AATK: variants seen among roughly 807,000 people sequenced by gnomAD.
AATK encodes the protein serine/threonine-protein kinase LMTK1.
AATK carries 91 observed loss-of-function variants against 114.3 expected under a neutral mutation model. The ratio of observed to expected loss-of-function variants is 0.80; its 90% CI spans 0.67 to 0.95. The LOEUF is 0.95. Ranked by LOEUF, AATK falls within the 40% of genes least tolerant of loss-of-function variation. The pLI is 0.00. For synonymous variants in AATK, 1,075 were observed against 916.5 expected, an observed-to-expected ratio of 1.17 and a Z score of -3.12; for missense variants, 2,176 against 1,965.2, an observed-to-expected ratio of 1.11 and a Z score of -2.03.
chr17:81,159,191 G>A (rs971464335), intron 1 of AATK, among the ~76,000 whole-genome samples: 5 of 152,302 alleles, frequency 3.3e-5, no homozygotes, highest in African/African-American at 1.2e-4. Flanking sequence ...TGACACAGGT[G>A]GGTCCTTGGT....
At chr17:81,136,524 G>A (rs1221581790) in intron 1 of AATK, among the ~76,000 whole-genome samples, 2 of 152,138 alleles carry the variant, frequency 1.3e-5, no homozygotes, top group Non-Finnish European at 2.9e-5. Flanking sequence ...CAGCTACCCT[G>A]GGCTCCCCCC....
rs763017071 is a variant in AATK, at chr17:81,165,920, G to C, written c.55+18C>G. On this transcript the variant is annotated intron_variant, in intron 1 of 13. Coordinates refer to ENST00000326724, the MANE Select transcript of AATK (RefSeq NM_001080395.3). ...GGAGGGAGGCAGCGGCGCGCAGGCC[G>C]GGCCGCCAGGGACTCACCGGGGTCG... is the stretch of plus-strand genomic sequence containing the variant. The C allele has an allele frequency of 2.5e-6, 4 of 1,571,842 alleles. No homozygotes were observed. Among genetic ancestry groups the C allele is most frequent in the African/African-American group, 2.7e-5 (2 of 73,692 alleles).
chr17:81,128,015 C>A, intron 4 of AATK, 105 bp from the exon 5 acceptor site: 2 of 1,375,614 alleles, frequency 1.5e-6, no homozygotes, highest in Non-Finnish European at 2.0e-6. Flanking sequence ...CAGGACAGGA[C>A]ACTTCTCCTC....
Position 81,122,559 on chromosome 17 carries a change from G to T in AATK, c.1377C>A (p.His459Gln). The change falls in exon 11 of 14, where the codon CAC becomes CAA. Residue 459 changes from histidine to glutamine, a missense_variant. Around this residue, in one of 4 missense-constraint regions of AATK, gnomAD observed 1,701 missense variants for 1,394.7 expected, o/e 1.22. Transcript: ENST00000326724. ...LLEQFAGDGF[H>Q]ADGDDVLTVT... ...CCGTCAGCACGTCGTCGCCGTCCGC[G>T]TGGAAGCCGTCGCCCGCGAACTGCT... is the stretch of plus-strand genomic sequence containing the variant. 6.8e-7 allele frequency: 1 copy of T among 1,472,358 alleles called. No homozygotes were observed. Among genetic ancestry groups the T allele is most frequent in the Non-Finnish European group, 9.0e-7 (1 of 1,106,586 alleles). 91.2% of individuals were successfully genotyped at this position (1,472,358 alleles called of 1,614,324 possible).
At chr17:81,128,346 C>T in intron 4 of AATK, 124 bp downstream of exon 4, 2 of 1,229,612 alleles carry the variant, frequency 1.6e-6, no homozygotes, top group Middle Eastern at 5.4e-4. Context: ...AAGGGTCCAG[C>T]AGGGCCCAGA....
At position 81,120,762 on chromosome 17, in the gene AATK, T is replaced by C; in HGVS notation, c.3174A>G (p.Pro1058=). The C allele has an allele frequency of 6.3e-7, 1 of 1,575,242 alleles. No individual in the cohort carries two copies. The highest frequency in any genetic ancestry group is 1.2e-5 in the South Asian group (1 of 86,068). Residue 1058 remains proline, a synonymous_variant, in exon 11 of 14, where the codon CCA becomes CCG. Coordinates refer to ENST00000326724, the MANE Select transcript of AATK (RefSeq NM_001080395.3). ...QGSGPGEVLP[P]LLQLEGSSPE... ...GGGAGGACCCTTCAAGCTGCAGCAG[T>C]GGGGGCAGCACCTCCCCGGGGCCAG...
chr17:81,133,283 C>T (rs373160603), intron 2 of AATK: 10 of 460,944 alleles, frequency 2.2e-5, no homozygotes, highest in Non-Finnish European at 4.4e-5. Flanking sequence ...CATCCAGCAC[C>T]GTCACCTGCC....
chr17:81,131,511 G>A (rs796446238), intron 2 of AATK, among the ~76,000 whole-genome samples: 30 of 152,316 alleles, frequency 2.0e-4, no homozygotes, highest in African/African-American at 6.7e-4. Context: ...GGCGCGATGA[G>A]CTGTAGGCAC....
chr17:81,158,791 C>T lies in AATK; in HGVS notation c.55+7147G>A, dbSNP rs150628325. 7.0e-3 allele frequency among the ~76,000 whole-genome samples: 1,066 copies of T among 152,294 alleles called. 13 individuals carry two copies. Among genetic ancestry groups the T allele is most frequent in the Non-Finnish European group, 0.012 (790 of 68,010 alleles). ...GCCCCCACATGCTCACGAGCCCGGGCGTTATAAAAACAGCAGCCAGCACTG... is the reference window on the plus strand; with the variant it reads ...GCCCCCACATGCTCACGAGCCCGGGTGTTATAAAAACAGCAGCCAGCACTG... On this transcript the variant is annotated intron_variant, in intron 1 of 13. Transcript: ENST00000326724.
chr17:81,119,312 C>A (rs1327288210), intron 13 of AATK, 68 bp downstream of exon 13: 7 of 1,447,608 alleles, frequency 4.8e-6, no homozygotes, highest in Non-Finnish European at 6.3e-6. Context: ...GACGGAGGGG[C>A]CCCACCCTCG....
chr17:81,131,570 C>A (rs1016134438), intron 2 of AATK, among the ~76,000 whole-genome samples: 1 of 152,166 alleles, frequency 6.6e-6, no homozygotes, highest in African/African-American at 2.4e-5. Flanking sequence ...TGGCGGGCAG[C>A]CCAGGCTGAG....
chr17:81,125,003 A>G lies in AATK; in HGVS notation c.767T>C (p.Leu256Pro). ...GTCAGCCGTGAGCAGGCAGTTCCGC[A>G]GGGCCAGGTCGCTGCAGGCAGGGGC... ...RNNFVHSDLA[L>P]RNCLLTADLT... Residue 256 changes from leucine (L) to proline (P), a missense_variant, in exon 8 of 14, where the codon CTG (leucine) becomes CCG (proline). Leu to Pro is a moderately conservative substitution (Grantham distance 98, BLOSUM62 -3). Coordinates refer to ENST00000326724, the MANE Select transcript of AATK (RefSeq NM_001080395.3). 2 of 1,518,404 alleles carry G rather than the reference A, an allele frequency of 1.3e-6. No homozygotes were observed. Among genetic ancestry groups the G allele is most frequent in the Middle Eastern group, 1.8e-4 (1 of 5,626 alleles). The allele number at this position is 1,518,404 out of a possible 1,614,324, so 94.1% of individuals were successfully genotyped here.
At chr17:81,139,163 C>T (rs1017120181) in intron 1 of AATK, among the ~76,000 whole-genome samples, 3 of 152,208 alleles carry the variant, frequency 2.0e-5, no homozygotes, top group Admixed American at 6.5e-5. Flanking sequence ...TTTACAAGTA[C>T]GAAAACTGAG....
chr17:81,164,146 A>G (rs2061457679), intron 1 of AATK, among the ~76,000 whole-genome samples: 1 of 152,240 alleles, frequency 6.6e-6, no homozygotes, highest in Non-Finnish European at 1.5e-5. Flanking sequence ...CGGGCCTGCC[A>G]CAGGTACTGT....
At chr17:81,118,903 A>T (rs1224346863) in intron 13 of AATK, among the ~76,000 whole-genome samples, 1 of 152,188 alleles carries the variant, frequency 6.6e-6, no homozygotes, top group African/African-American at 2.4e-5. Context: ...CTGTAGGGGT[A>T]GGGACACCTG....
intron 1 of AATK, among the ~76,000 whole-genome samples, chr17:81,165,096 G>C (rs1272337708): frequency 6.6e-6 from 1 of 152,234 alleles, no homozygotes; most frequent in African/African-American, 2.4e-5. Flanking sequence ...CTTGGCCCTG[G>C]GGCCATGGAT....
intron 1 of AATK, among the ~76,000 whole-genome samples, chr17:81,141,886 C>T (rs1318639065): frequency 6.6e-6 from 1 of 152,046 alleles, no homozygotes; most frequent in East Asian, 1.9e-4. Flanking sequence ...TACTTTTTTT[C>T]TTTCTTTCTT....
chr17:81,160,553 A>G (rs978427503), intron 1 of AATK, among the ~76,000 whole-genome samples: 1 of 152,234 alleles, frequency 6.6e-6, no homozygotes, highest in African/African-American at 2.4e-5. Flanking sequence ...GGCAAGGCCC[A>G]GGGGGGCCCA....
At chr17:81,162,453 G>A (rs2061438145) in intron 1 of AATK, among the ~76,000 whole-genome samples, 2 of 152,146 alleles carry the variant, frequency 1.3e-5, no homozygotes, top group South Asian at 4.1e-4. Flanking sequence ...CCTTCAAACA[G>A]ACTCCACACC....
Sources: gnomAD v4.1 joint callset for allele counts (sites outside exome capture counted in the v4.1 genomes callset) on GRCh38, gnomAD v4.1.1 for gene constraint, gnomAD v4.1.1 regional missense constraint, MANE v1.5 for transcripts, NCBI Gene and HGNC (gene_info 2026-07-23, HGNC 2026-07-21) for gene names.